Variants in QRSL1 observed in about 807,000 individuals in gnomAD.
QRSL1 encodes glutamyl-tRNA(Gln) amidotransferase subunit A, mitochondrial.
QRSL1 carries 54 observed loss-of-function variants against 61.6 expected under a neutral mutation model. The observed-to-expected ratio is 0.88, with a 90% CI of 0.70 to 1.10. The LOEUF (loss-of-function observed/expected upper bound fraction) is 1.10. Among genes scored for constraint, QRSL1 ranks in the 50% least tolerant of loss-of-function variants. QRSL1 has a pLI of 0.00. For synonymous variants in QRSL1, 228 were observed against 225.7 expected (o/e 1.01, Z -0.09); for missense variants, 505 against 622.6 (o/e 0.81, Z 2.01).
At chr6:106,636,700 C>T (rs561275784) in intron 1 of QRSL1, among the ~76,000 whole-genome samples, 30 of 152,254 alleles carry the variant, frequency 2.0e-4, no homozygotes, top group African/African-American at 6.5e-4. Context: ...AATAGCTTCT[C>T]AGTGTGGATG....
At chr6:106,656,442 A>G (rs1025723976) in intron 9 of QRSL1, among the ~76,000 whole-genome samples, 2 of 152,260 alleles carry the variant, frequency 1.3e-5, no homozygotes, top group African/African-American at 4.8e-5. Flanking sequence ...CAGAATGACT[A>G]TGACTCCTCC....
rs1459030851 is a variant in QRSL1 at position 106,666,242 on chromosome 6, G to A, written c.*240G>A. On this transcript the variant is annotated 3_prime_UTR_variant, in exon 11 of 11. Coordinates refer to ENST00000369046, the MANE Select transcript of QRSL1 (RefSeq NM_018292.5). Reference sequence around the variant, plus strand: ...CAGGAGAATCACTTGAACCCTGGAGGTGGAGGTTGCAGTGAGCCGAGATCA... The same window carrying A: ...CAGGAGAATCACTTGAACCCTGGAGATGGAGGTTGCAGTGAGCCGAGATCA... 6 of 469,556 alleles carry A rather than the reference G, an allele frequency of 1.3e-5. No homozygotes were observed. Among genetic ancestry groups the A allele is most frequent in the South Asian group, 1.3e-4 (6 of 47,762 alleles). 29.1% of individuals were successfully genotyped at this position (469,556 alleles called of 1,614,324 possible). A position where few individuals can be genotyped will look rare whatever the true frequency, so the allele number is the denominator to read the frequency against.
chr6:106,664,734 A>G (rs1156746889), intron 10 of QRSL1, among the ~76,000 whole-genome samples: 1 of 152,200 alleles, frequency 6.6e-6, no homozygotes, highest in Non-Finnish European at 1.5e-5. Flanking sequence ...AGTTTGTCTC[A>G]CTTTTGGAAA....
rs1170468197 is a variant in QRSL1 at position 106,639,113 on chromosome 6, TTTGTTG to T, written c.25-1233_25-1228del. ...CTAACTTGTGTGGTTATTTGTGTGT[TTTGTTG>T]TTTTTTTTTTTTTTTTTTTTTTTTT... On this transcript the variant is annotated intron_variant, in intron 1 of 10. Coordinates refer to ENST00000369046, the MANE Select transcript of QRSL1 (RefSeq NM_018292.5). 9.1e-5 allele frequency among the ~76,000 whole-genome samples: 7 copies of T among 77,058 alleles called. 1 individual carries two copies. Among genetic ancestry groups the T allele is most frequent in the African/African-American group, 3.7e-4 (7 of 18,680 alleles). The allele number at this position is 77,058 out of a possible 152,430, so 50.6% of individuals were successfully genotyped here. A position where few individuals can be genotyped will look rare whatever the true frequency, so the allele number is the denominator to read the frequency against.
At chr6:106,661,999 C>T (rs963649656) in intron 9 of QRSL1, among the ~76,000 whole-genome samples, 5 of 152,180 alleles carry the variant, frequency 3.3e-5, no homozygotes, top group African/African-American at 1.2e-4. Flanking sequence ...GCGTGAGCCA[C>T]TGCGCCCGGC....
chr6:106,639,105 T>TTG (rs1776967819), intron 1 of QRSL1, among the ~76,000 whole-genome samples: 3 of 138,654 alleles, frequency 2.2e-5, no homozygotes, highest in African/African-American at 8.1e-5. Flanking sequence ...GTGTGGTTAT[T>TTG]TGTGTGTTTT....
intron 5 of QRSL1, among the ~76,000 whole-genome samples, chr6:106,650,879 T>C (rs1777179672): frequency 1.3e-5 from 2 of 152,208 alleles, no homozygotes; most frequent in South Asian, 4.1e-4. Context: ...AATATTTTAA[T>C]TTTTATAGTA....
intron 10 of QRSL1, among the ~76,000 whole-genome samples, chr6:106,664,136 C>G (rs1297958885): frequency 6.6e-6 from 1 of 152,150 alleles, no homozygotes; most frequent in Non-Finnish European, 1.5e-5. Context: ...GGTTTATATT[C>G]AAATTTTCTC....
chr6:106,656,237 C>T (rs536594052), intron 9 of QRSL1, among the ~76,000 whole-genome samples: 1 of 152,264 alleles, frequency 6.6e-6, no homozygotes, highest in Admixed American at 6.5e-5. Flanking sequence ...ACCAAACCCC[C>T]AACGGACACC....
chr6:106,659,433 C>T (rs751500047), intron 9 of QRSL1, among the ~76,000 whole-genome samples: 5 of 151,578 alleles, frequency 3.3e-5, no homozygotes, highest in Non-Finnish European at 7.4e-5. Flanking sequence ...CCACTGCACC[C>T]CAGCCTGGGT....
chr6:106,662,969 T>G lies in QRSL1; in HGVS notation c.1161-11T>G. ...AAATCCTTAAAAACATCACCTACTT[T>G]TTTCCCACAGAAACTATGAAAATTA... On this transcript the variant is annotated splice_polypyrimidine_tract_variant and intron_variant, in intron 9 of 10. Transcript: ENST00000369046. 1 of 1,586,562 alleles carries G rather than the reference T, an allele frequency of 6.3e-7. No homozygotes were observed. Among genetic ancestry groups the G allele is most frequent in the Non-Finnish European group, 8.7e-7 (1 of 1,155,682 alleles).
At chr6:106,648,299 A>C (rs1777144724) in intron 4 of QRSL1, among the ~76,000 whole-genome samples, 1 of 152,080 alleles carries the variant, frequency 6.6e-6, no homozygotes. Context: ...GTCTCAAAAA[A>C]GAAAAAAAAA....
rs368730240 is a variant in QRSL1, at chr6:106,640,370, G to A, written c.46G>A (p.Gly16Ser). ...LREVSAALKQ[G>S]QITPTELCQK... ...ATAGGTTTCTGCGGCACTGAAACAA[G>A]GCCAAATTACACCAACAGAGCTCTG... Residue 16 changes from glycine (G) to serine (S), a missense_variant, in exon 2 of 11, where the codon GGC (glycine) becomes AGC (serine). Gly to Ser is a moderately conservative substitution (Grantham distance 56). Transcript: ENST00000369046. 59 of 1,610,404 alleles carry A rather than the reference G, an allele frequency of 3.7e-5. No homozygotes were observed. The Middle Eastern group carries it at 5.0e-4, about 14-fold the overall frequency.
At chr6:106,640,626 T>G in intron 2 of QRSL1, 118 bp downstream of exon 2, 1 of 1,051,528 alleles carries the variant, frequency 9.5e-7, no homozygotes. Flanking sequence ...TTTAAAGAAC[T>G]TGCCATGAGG....
intron 9 of QRSL1, among the ~76,000 whole-genome samples, chr6:106,659,576 G>T (rs1490314769): frequency 1.3e-5 from 2 of 151,790 alleles, no homozygotes; most frequent in African/African-American, 4.8e-5. Context: ...TCTGGTTATG[G>T]GTCATATTTT....
chr6:106,643,320 C>T (rs1190311500), intron 4 of QRSL1, among the ~76,000 whole-genome samples: 6 of 152,140 alleles, frequency 3.9e-5, no homozygotes, highest in Non-Finnish European at 1.5e-5. Flanking sequence ...TTTGCCATCC[C>T]TATGTCTTCA....
At chr6:106,655,954 A>G (rs1434685837) in intron 9 of QRSL1, among the ~76,000 whole-genome samples, 3 of 152,210 alleles carry the variant, frequency 2.0e-5, no homozygotes, top group Admixed American at 6.5e-5. Context: ...AGTCCTCCAT[A>G]TCTGTGGGTT....
chr6:106,655,745 A>C lies in QRSL1; in HGVS notation c.1160+13A>C. 20 of 1,497,554 alleles carry C rather than the reference A, an allele frequency of 1.3e-5. No homozygotes were observed. Among genetic ancestry groups the C allele is most frequent in the East Asian group, 2.3e-5 (1 of 43,916 alleles). The allele number at this position is 1,497,554 out of a possible 1,614,324, so 92.8% of individuals were successfully genotyped here. A position where few individuals can be genotyped will look rare whatever the true frequency, so the allele number is the denominator to read the frequency against. The stretch of plus-strand genomic sequence containing the variant: ...TCTTATTAAAAGAGTAAGACAACTC[A>C]TTTAGGAATTTTCTTCATTCTTGAA... On this transcript the variant is annotated intron_variant, in intron 9 of 10. Coordinates refer to ENST00000369046, the MANE Select transcript of QRSL1 (RefSeq NM_018292.5).
Position 106,633,078 on chromosome 6 carries a change from TGGG to T in QRSL1, c.24+3377_24+3379del, listed in dbSNP as rs1310433039. On this transcript the variant is annotated intron_variant, in intron 1 of 10. Coordinates refer to ENST00000369046, the MANE Select transcript of QRSL1 (RefSeq NM_018292.5). Reference sequence around the variant, plus strand: ...ATTGTGAAAAACAACTTTTGCCGCATGGGGGGAGAAAAGAACTATTTAGGAGAG... The same window carrying T: ...ATTGTGAAAAACAACTTTTGCCGCATGGGAGAAAAGAACTATTTAGGAGAG... 3.9e-5 allele frequency among the ~76,000 whole-genome samples: 6 copies of T among 152,330 alleles called. No homozygotes were observed. In the East Asian group the frequency reaches 1.2e-3, roughly 29 times the overall value.
Sources: allele counts gnomAD v4.1 joint callset (sites outside exome capture counted in the v4.1 genomes callset), GRCh38; gene constraint gnomAD v4.1.1; transcripts MANE v1.5; gene names NCBI Gene and HGNC (gene_info 2026-07-23, HGNC 2026-07-21).